Variants in DIP2A observed in about 807,000 individuals in gnomAD.
DIP2A encodes disco-interacting protein 2 homolog A.
DIP2A carries 85 observed loss-of-function variants against 177.4 expected under a neutral mutation model. That is an observed-to-expected ratio of 0.48 (90% confidence interval 0.40 to 0.57). The LOEUF (loss-of-function observed/expected upper bound fraction) is 0.57. DIP2A is among the 20% of genes least tolerant of loss of function. The probability of loss-of-function intolerance (pLI) is 0.00; values close to 1 mark genes in which losing one functional copy is unlikely to be tolerated. For synonymous variants in DIP2A, 886 were observed against 881.8 expected (o/e 1.00, Z -0.08); for missense variants, 1,791 against 2,100.2 (o/e 0.85, Z 2.88).
At chr21:46,545,313 G>T in intron 19 of DIP2A, 40 bp downstream of exon 19, 1 of 1,573,394 alleles carries the variant, frequency 6.4e-7, no homozygotes, top group Non-Finnish European at 8.7e-7. Flanking sequence ...AAGTTAAGTT[G>T]CATGAGCACT....
At chr21:46,554,459 G>A (rs1360993452) in intron 26 of DIP2A, 116 bp from the exon 27 acceptor site, 10 of 1,542,264 alleles carry the variant, frequency 6.5e-6, no homozygotes, top group Non-Finnish European at 7.9e-6. Flanking sequence ...GGAAACCCAG[G>A]AGTCACCCAT....
intron 1 of DIP2A, among the ~76,000 whole-genome samples, chr21:46,481,697 A>G (rs1229777384): frequency 6.6e-6 from 1 of 152,212 alleles, no homozygotes; most frequent in African/African-American, 2.4e-5. Context: ...GTGTTTCCTA[A>G]CAGAAGGAAA....
chr21:46,502,923 T>A (rs569496829), intron 5 of DIP2A, among the ~76,000 whole-genome samples: 3 of 152,292 alleles, frequency 2.0e-5, no homozygotes, highest in African/African-American at 7.2e-5. Context: ...GACTGTACCA[T>A]GGAAATAAAA....
At chr21:46,486,554 A>G (rs546372129) in intron 2 of DIP2A, among the ~76,000 whole-genome samples, 2 of 152,364 alleles carry the variant, frequency 1.3e-5, no homozygotes. Context: ...AGAAAAGTCT[A>G]GTAGAGAAAT....
intron 2 of DIP2A, among the ~76,000 whole-genome samples, chr21:46,488,497 G>A (rs2056820720): frequency 6.6e-6 from 1 of 152,190 alleles, no homozygotes; most frequent in South Asian, 2.1e-4. Flanking sequence ...GACAAGGAGT[G>A]AGGCTTCCTG....
chr21:46,536,083 C>T (rs1445262458), intron 13 of DIP2A, among the ~76,000 whole-genome samples: 1 of 152,188 alleles, frequency 6.6e-6, no homozygotes, highest in Non-Finnish European at 1.5e-5. Flanking sequence ...CGTAATAAGA[C>T]CTCGTCTCTA....
chr21:46,562,605 C>T (rs774547272), intron 34 of DIP2A, among the ~76,000 whole-genome samples: 5 of 152,170 alleles, frequency 3.3e-5, no homozygotes, highest in Non-Finnish European at 7.4e-5. Flanking sequence ...GGACAGAAGG[C>T]ACAGCTGCTG....
chr21:46,468,628 A>G (rs1347726385), intron 1 of DIP2A, among the ~76,000 whole-genome samples: 1 of 152,202 alleles, frequency 6.6e-6, no homozygotes, highest in Non-Finnish European at 1.5e-5. Context: ...GCTGTACAGC[A>G]TAGTGCATAT....
At chr21:46,466,882 C>T (rs961535172) in intron 1 of DIP2A, among the ~76,000 whole-genome samples, 13 of 151,662 alleles carry the variant, frequency 8.6e-5, no homozygotes, top group Non-Finnish European at 1.3e-4. Context: ...AGAGTTAAAG[C>T]AACTTGCAAA....
At chr21:46,541,952 G>A in intron 18 of DIP2A, 57 bp downstream of exon 18, 1 of 1,608,124 alleles carries the variant, frequency 6.2e-7, no homozygotes, top group Non-Finnish European at 8.5e-7. Flanking sequence ...TAACGAAAAG[G>A]GTTTTGTTTT....
At position 46,537,550 on chromosome 21, in the gene DIP2A, C is replaced by G; in HGVS notation, c.1801+11C>G. 6.2e-7 allele frequency: 1 copy of G among 1,613,360 alleles called. No homozygotes were observed. Among genetic ancestry groups the G allele is most frequent in the Non-Finnish European group, 8.5e-7 (1 of 1,179,374 alleles). On this transcript the variant is annotated intron_variant, in intron 15 of 37. Coordinates refer to ENST00000417564, the MANE Select transcript of DIP2A (RefSeq NM_015151.4). The surrounding 1 kb of genome is among the most constrained non-coding windows in gnomAD (Gnocchi z 4.1). Reference sequence around the variant, plus strand: ...TGTGCTTCTATAAAGGTAACGGATACCATGGTCAGGGCCTTCACCCTTCTT... The same window carrying G: ...TGTGCTTCTATAAAGGTAACGGATAGCATGGTCAGGGCCTTCACCCTTCTT...
At chr21:46,577,257 G>A in the DIP2A span, among the ~76,000 whole-genome samples, 27 of 152,278 alleles carry the variant, frequency 1.8e-4, no homozygotes, top group Admixed American at 1.1e-3. Context: ...GGTTTTTATA[G>A]TTTGGGGTTC....
chr21:46,577,534 C>T, the DIP2A span, among the ~76,000 whole-genome samples: 1 of 152,152 alleles, frequency 6.6e-6, no homozygotes, highest in Non-Finnish European at 1.5e-5. Context: ...GTTACTGTAG[C>T]CTTGCTGTAT....
chr21:46,565,876 A>T lies in DIP2A; in HGVS notation c.4328A>T (p.Asp1443Val), dbSNP rs374169205. 6.2e-7 allele frequency: 1 copy of T among 1,613,900 alleles called. No homozygotes were observed. The highest frequency in any genetic ancestry group is 8.5e-7 in the Non-Finnish European group (1 of 1,179,870). ...LGFLRRTELTDASGGRHDALY... is the reference protein window; with the variant it reads ...LGFLRRTELTVASGGRHDALY... ...TTCCTTCGGCGAACAGAGCTCACTGATGCCAGTGGAGGTGAGGGGTTGTGG... is the reference window on the plus strand; with the variant it reads ...TTCCTTCGGCGAACAGAGCTCACTGTTGCCAGTGGAGGTGAGGGGTTGTGG... Residue 1443 changes from aspartate to valine, a missense_variant, in exon 36 of 38, where the codon GAT becomes GTT. Coordinates refer to ENST00000417564, the MANE Select transcript of DIP2A (RefSeq NM_015151.4).
At position 46,467,045 on chromosome 21, in the gene DIP2A, C is replaced by G. The variant is rs1256983951; in HGVS notation, c.91+7823C>G. Among the ~76,000 whole-genome samples the G allele has an allele frequency of 2.0e-5, 3 of 151,812 alleles. No individual in the cohort carries two copies. The East Asian group carries it at 5.8e-4, about 30-fold the overall frequency. On this transcript the variant is annotated intron_variant, in intron 1 of 37. Transcript: ENST00000417564. ...GGCGCGGTGGCTCACGCCTGTAATC[C>G]CAGCACTTTGGGAAGTCGAGGCGGG...
At chr21:46,582,987 C>T in the DIP2A span, among the ~76,000 whole-genome samples, 2 of 151,856 alleles carry the variant, frequency 1.3e-5, no homozygotes, top group African/African-American at 2.4e-5. Flanking sequence ...AAAATAAGAC[C>T]CAACTATATG....
At position 46,547,058 on chromosome 21, in the gene DIP2A, C is replaced by T. The variant is rs759550064; in HGVS notation, c.2522+16C>T. 8.7e-6 allele frequency: 14 copies of T among 1,610,986 alleles called. No homozygotes were observed. The highest frequency in any genetic ancestry group is 3.3e-5 in the Admixed American group (2 of 59,948). Reference sequence around the variant, plus strand: ...ACAGAGGCAGGTGATGCGCTGCGGACCCCCACGCCGGGAGTAGATTCCTTC... The same window carrying T: ...ACAGAGGCAGGTGATGCGCTGCGGATCCCCACGCCGGGAGTAGATTCCTTC... On this transcript the variant is annotated intron_variant, in intron 21 of 37. Coordinates refer to ENST00000417564, the MANE Select transcript of DIP2A (RefSeq NM_015151.4).
At chr21:46,468,120 G>A (rs2055006626) in intron 1 of DIP2A, among the ~76,000 whole-genome samples, 1 of 151,886 alleles carries the variant, frequency 6.6e-6, no homozygotes, top group Non-Finnish European at 1.5e-5. Flanking sequence ...AAAAAAATTA[G>A]CCTGGCATGG....
chr21:46,478,593 C>T (rs1040332329), intron 1 of DIP2A, among the ~76,000 whole-genome samples: 1 of 152,190 alleles, frequency 6.6e-6, no homozygotes. Context: ...TCTTCAGATT[C>T]ATGAATGTGG....
Sources: allele counts gnomAD v4.1 joint callset (sites outside exome capture counted in the v4.1 genomes callset), GRCh38; gene constraint gnomAD v4.1.1; non-coding constraint Gnocchi (gnomAD v3.1); transcripts MANE v1.5; gene names NCBI Gene and HGNC (gene_info 2026-07-23, HGNC 2026-07-21).